GNG2: variants seen among roughly 807,000 people sequenced by gnomAD.
The protein encoded by GNG2 is G protein subunit gamma 2.
A neutral mutation model predicts 5.5 loss-of-function variants in GNG2; 5 were observed. That is an observed-to-expected ratio of 0.91 (90% CI 0.48 to 1.92). GNG2 has a LOEUF of 1.92. GNG2 is among the 30% of genes most tolerant of loss of function. The probability of loss-of-function intolerance (pLI) is 0.01; values close to 1 mark genes in which losing one functional copy is unlikely to be tolerated. For missense variants in GNG2, 55 were observed against 88.4 expected (o/e 0.62, Z 1.52); for synonymous variants, 28 against 32.0 (o/e 0.88, Z 0.42).
intron 2 of GNG2, among the ~76,000 whole-genome samples, chr14:51,828,675 C>T (rs1026943901): frequency 6.6e-6 from 1 of 152,160 alleles, no homozygotes; most frequent in Admixed American, 6.5e-5. Context: ...GCTTAGTTTA[C>T]AGACCCATCA....
chr14:51,831,634 A>T (rs1881193129), intron 2 of GNG2, among the ~76,000 whole-genome samples: 1 of 152,214 alleles, frequency 6.6e-6, no homozygotes, highest in Admixed American at 6.5e-5. Flanking sequence ...TAGTAGTTAG[A>T]AATTATCTGG....
intron 2 of GNG2, among the ~76,000 whole-genome samples, chr14:51,945,557 G>T (rs1442351730): frequency 6.6e-6 from 1 of 152,134 alleles, no homozygotes; most frequent in Non-Finnish European, 1.5e-5. Flanking sequence ...TGTTTGATGG[G>T]TATAGAGTTT....
chr14:51,855,286 G>GTCCCA (rs1203350103), intron 2 of GNG2, among the ~76,000 whole-genome samples: 4 of 152,162 alleles, frequency 2.6e-5, no homozygotes, highest in Non-Finnish European at 5.9e-5. Context: ...TAGCTTTCGT[G>GTCCCA]CTGGGCCGTG....
chr14:51,826,272 C>A (rs781405726), intron 1 of GNG2: 1 of 151,294 alleles, frequency 6.6e-6, no homozygotes, highest in African/African-American at 2.4e-5. Context: ...AGACAGGGAT[C>A]AAAAATATAT....
chr14:51,878,091 GCAA>G (rs201334937), intron 2 of GNG2: 34 of 166,860 alleles, frequency 2.0e-4, no homozygotes, highest in South Asian at 6.6e-4. Flanking sequence ...AGCAGCAGCA[GCAA>G]CAACAACAAC....
chr14:51,896,015 C>G (rs2140169791), intron 2 of GNG2, among the ~76,000 whole-genome samples: 1 of 152,272 alleles, frequency 6.6e-6, no homozygotes, highest in South Asian at 2.1e-4. Flanking sequence ...TTGTAAATTG[C>G]CCAGTCTCGG....
intron 2 of GNG2, among the ~76,000 whole-genome samples, chr14:51,903,480 A>C (rs1306252218): frequency 1.3e-5 from 2 of 152,196 alleles, no homozygotes; most frequent in South Asian, 4.1e-4. Context: ...GCGTGGACTT[A>C]TGTGCTCACA....
chr14:51,933,751 C>T (rs367877273), intron 2 of GNG2, among the ~76,000 whole-genome samples: 4 of 152,134 alleles, frequency 2.6e-5, no homozygotes, highest in South Asian at 4.1e-4. Context: ...GACAGAAATG[C>T]AGATGCAGGT....
chr14:51,965,907 G>A (rs547511465), intron 3 of GNG2, among the ~76,000 whole-genome samples: 19 of 151,894 alleles, frequency 1.3e-4, no homozygotes, highest in Non-Finnish European at 2.2e-4. Flanking sequence ...ATGAGATATC[G>A]GAGCACAAAA....
intron 2 of GNG2, 57 bp from the exon 3 acceptor site, chr14:51,950,593 C>T (rs1888913960): frequency 1.8e-6 from 2 of 1,081,860 alleles, no homozygotes; most frequent in East Asian, 2.5e-5. Flanking sequence ...GATGAACTTG[C>T]ACATTTGCTG....
At chr14:51,848,672 T>A (rs1428544132) in intron 2 of GNG2, among the ~76,000 whole-genome samples, 2 of 152,152 alleles carry the variant, frequency 1.3e-5, no homozygotes. Flanking sequence ...TTTAGGAGAA[T>A]GAAGGGAGTA....
chr14:51,904,931 C>T (rs915693140), intron 2 of GNG2, among the ~76,000 whole-genome samples: 1 of 152,198 alleles, frequency 6.6e-6, no homozygotes, highest in African/African-American at 2.4e-5. Flanking sequence ...ACACACAGGA[C>T]ATTACGGTTT....
chr14:51,968,371 A>T lies in GNG2; in HGVS notation c.*1684A>T, dbSNP rs1890042022. 6.6e-6 allele frequency: 1 copy of T among 151,846 alleles called. No homozygotes were observed. 9.4% of individuals were successfully genotyped at this position (151,846 alleles called of 1,614,324 possible). A position where few individuals can be genotyped will look rare whatever the true frequency, so the allele number is the denominator to read the frequency against. On this transcript the variant is annotated 3_prime_UTR_variant, in exon 4 of 4. Coordinates refer to ENST00000556766, the MANE Select transcript of GNG2 (RefSeq NM_053064.5). ...CGCTTTCTCCTGTTTTTTTTTTAAA[A>T]AAAAAGCATGAAAAAGGAAGAGAAA...
At chr14:51,930,875 C>G (rs1006362944) in intron 2 of GNG2, among the ~76,000 whole-genome samples, 3 of 152,030 alleles carry the variant, frequency 2.0e-5, no homozygotes, top group African/African-American at 4.8e-5. Flanking sequence ...AGAGGAGGCC[C>G]CACACTCTTT....
chr14:51,921,217 C>T (rs1886997421), intron 2 of GNG2, among the ~76,000 whole-genome samples: 1 of 152,138 alleles, frequency 6.6e-6, no homozygotes, highest in South Asian at 2.1e-4. Flanking sequence ...CTCTGTGCCT[C>T]CCGTTCCAAA....
chr14:51,961,363 T>G lies in GNG2; in HGVS notation c.88-5196T>G, dbSNP rs185744671. Reference sequence around the variant, plus strand: ...GGCATATTTGATGCTCAGTAAATATTCGTTGCATGAAATATCTGTCGAAGA... The same window carrying G: ...GGCATATTTGATGCTCAGTAAATATGCGTTGCATGAAATATCTGTCGAAGA... On this transcript the variant is annotated intron_variant, in intron 3 of 3. Transcript: ENST00000556766. 2.4e-3 allele frequency among the ~76,000 whole-genome samples: 360 copies of G among 152,294 alleles called. 10 individuals carry two copies. The highest frequency in any genetic ancestry group is 6.5e-4 in the Non-Finnish European group (44 of 68,010).
chr14:51,838,111 C>T (rs1320040163), intron 2 of GNG2, among the ~76,000 whole-genome samples: 1 of 152,010 alleles, frequency 6.6e-6, no homozygotes, highest in African/African-American at 2.4e-5. Flanking sequence ...GTACCTTATG[C>T]ATATTATATG....
At chr14:51,885,624 CA>C (rs1484210550) in intron 2 of GNG2, among the ~76,000 whole-genome samples, 6 of 151,726 alleles carry the variant, frequency 4.0e-5, no homozygotes, top group Non-Finnish European at 7.4e-5. Flanking sequence ...CGCCCCCAAA[CA>C]AAAAAACAAA....
At chr14:51,855,031 G>A (rs190879442) in intron 2 of GNG2, among the ~76,000 whole-genome samples, 97 of 152,142 alleles carry the variant, frequency 6.4e-4, no homozygotes, top group Middle Eastern at 3.4e-3. Context: ...TTGTTTTCTC[G>A]TGAGGGGTTA....
Sources: allele counts gnomAD v4.1 joint callset (sites outside exome capture counted in the v4.1 genomes callset), GRCh38; gene constraint gnomAD v4.1.1; transcripts MANE v1.5; gene names NCBI Gene and HGNC (gene_info 2026-07-23, HGNC 2026-07-21).